The following GPC3 variants were observed in gnomAD, a reference collection of about 807,000 sequenced individuals.
The protein encoded by GPC3 is glypican 3, also known as glypican-3.
In GPC3, 3 loss-of-function variants were observed where a neutral mutation model predicts 34.4. That is an observed-to-expected ratio of 0.09 (90% CI 0.04 to 0.23). The LOEUF (loss-of-function observed/expected upper bound fraction) is 0.23. Ranked by LOEUF, GPC3 falls within the 10% of genes least tolerant of loss-of-function variation. The pLI is 1.00. For synonymous variants in GPC3, 177 were observed against 174.0 expected (o/e 1.02, Z -0.13); for missense variants, 351 against 445.6 (o/e 0.79, Z 1.91).
chrX:133,909,403 T>C (rs1449749754), intron 2 of GPC3, among the ~76,000 whole-genome samples: 2 of 112,241 alleles, frequency 1.8e-5, no homozygotes, highest in Non-Finnish European at 3.8e-5. Flanking sequence ...GATGCAGCCA[T>C]GATAAAAACA....
chrX:133,718,613 T>A (rs1053870076), intron 3 of GPC3, among the ~76,000 whole-genome samples: 1 of 111,142 alleles, frequency 9.0e-6, no homozygotes, highest in Non-Finnish European at 1.9e-5. Flanking sequence ...TTTTATTACA[T>A]TAAATACAAA....
At chrX:133,831,770 A>T (rs779768186) in intron 2 of GPC3, among the ~76,000 whole-genome samples, 17 of 112,891 alleles carry the variant, frequency 1.5e-4, no homozygotes, top group Admixed American at 7.5e-4. Flanking sequence ...ATCCAATTTA[A>T]AAATGGGCAA....
chrX:133,905,645 C>T (rs1387760625), intron 2 of GPC3, among the ~76,000 whole-genome samples: 1 of 111,597 alleles, frequency 9.0e-6, no homozygotes, highest in Non-Finnish European at 1.9e-5. Context: ...AGAGATTCTC[C>T]TTTCTTTGGC....
intron 5 of GPC3, 115 bp downstream of exon 5, chrX:133,692,254 T>G: frequency 2.4e-6 from 2 of 830,013 alleles, no homozygotes; most frequent in Non-Finnish European, 3.6e-6. Context: ...CTCATAGATT[T>G]CTCTAGAATT....
intron 2 of GPC3, among the ~76,000 whole-genome samples, chrX:133,871,380 C>T (rs2075993325): frequency 8.9e-6 from 1 of 111,860 alleles, no homozygotes; most frequent in Non-Finnish European, 1.9e-5. Context: ...TTTCTTACAT[C>T]GACCTCTAGC....
chrX:133,936,290 C>T lies in GPC3; in HGVS notation c.337+16760G>A, dbSNP rs749915410. On this transcript the variant is annotated intron_variant, in intron 2 of 7. Transcript: ENST00000370818. ...GGGATTACAGGAGTGAGCCACCTTG[C>T]CCGGCCTGAGTCTCATAACAATTTG... 6.5e-5 allele frequency among the ~76,000 whole-genome samples: 7 copies of T among 108,052 alleles called. No individual in the cohort carries two copies. In the East Asian group the frequency reaches 1.4e-3, roughly 22 times the overall value. The allele number at this position is 108,052 out of a possible 115,157, so 93.8% of individuals were successfully genotyped here. A position where few individuals can be genotyped will look rare whatever the true frequency, so the allele number is the denominator to read the frequency against.
At chrX:133,813,225 G>C (rs758470043) in intron 2 of GPC3, among the ~76,000 whole-genome samples, 2 of 112,628 alleles carry the variant, frequency 1.8e-5, no homozygotes, top group Non-Finnish European at 3.8e-5. Context: ...CTACAAAAGA[G>C]GGCTTCCAGC....
chrX:133,691,658 G>T (rs1367256783), intron 5 of GPC3, among the ~76,000 whole-genome samples: 3 of 111,116 alleles, frequency 2.7e-5, no homozygotes, highest in Non-Finnish European at 5.7e-5. Context: ...GAAAATAACA[G>T]TATTCATTTC....
At chrX:133,549,666 C>T (rs1378809662) in intron 7 of GPC3, among the ~76,000 whole-genome samples, 1 of 85,858 alleles carries the variant, frequency 1.2e-5, no homozygotes, top group Non-Finnish European at 2.2e-5. Context: ...CTTCTTCTCC[C>T]CTTCTCCCTC....
At chrX:133,925,382 T>G (rs1401865597) in intron 2 of GPC3, among the ~76,000 whole-genome samples, 1 of 110,971 alleles carries the variant, frequency 9.0e-6, no homozygotes, top group East Asian at 2.9e-4. Flanking sequence ...CACTGGCTGG[T>G]TCCCTCACTG....
intron 6 of GPC3, among the ~76,000 whole-genome samples, chrX:133,606,242 C>T (rs1057249609): frequency 9.0e-6 from 1 of 111,549 alleles, no homozygotes; most frequent in Middle Eastern, 4.6e-3. Flanking sequence ...AGAAACTGTC[C>T]GCTACCTCAA....
intron 2 of GPC3, among the ~76,000 whole-genome samples, chrX:133,760,532 A>G (rs979995206): frequency 1.8e-5 from 2 of 111,854 alleles, no homozygotes; most frequent in African/African-American, 6.5e-5. Flanking sequence ...CTGAAAGGCT[A>G]CATACTATAT....
intron 3 of GPC3, among the ~76,000 whole-genome samples, chrX:133,703,756 A>G (rs949406663): frequency 7.1e-5 from 8 of 111,956 alleles, no homozygotes; most frequent in African/African-American, 2.6e-4. Flanking sequence ...CACCGCGCCC[A>G]GCCAGGAAGA....
intron 4 of GPC3, among the ~76,000 whole-genome samples, chrX:133,695,190 G>T (rs1400901995): frequency 9.0e-6 from 1 of 111,282 alleles, no homozygotes; most frequent in African/African-American, 3.3e-5. Context: ...TGAATCCATC[G>T]GATCTTGTGA....
intron 2 of GPC3, among the ~76,000 whole-genome samples, chrX:133,943,026 C>T (rs2076351325): frequency 8.9e-6 from 1 of 111,928 alleles, no homozygotes; most frequent in South Asian, 3.8e-4. Context: ...AATTCCTACA[C>T]CCACGTCAAA....
At chrX:133,658,392 T>G (rs2070686537) in intron 6 of GPC3, among the ~76,000 whole-genome samples, 1 of 112,009 alleles carries the variant, frequency 8.9e-6, no homozygotes, top group Non-Finnish European at 1.9e-5. Context: ...TAATTCCAAG[T>G]TGGATTTTTT....
At chrX:133,752,035 AT>A (rs1294956715) in intron 3 of GPC3, among the ~76,000 whole-genome samples, 2 of 109,732 alleles carry the variant, frequency 1.8e-5, no homozygotes, top group South Asian at 3.9e-4. Flanking sequence ...TTTTGTATTT[AT>A]TTATTTATTT....
At chrX:133,874,682 C>T (rs2076007980) in intron 2 of GPC3, among the ~76,000 whole-genome samples, 2 of 112,059 alleles carry the variant, frequency 1.8e-5, no homozygotes, top group African/African-American at 6.5e-5. Flanking sequence ...CTCTCAGCAG[C>T]TCAAGTCAGA....
intron 7 of GPC3, among the ~76,000 whole-genome samples, chrX:133,541,100 C>T (rs976891087): frequency 9.0e-6 from 1 of 110,738 alleles, no homozygotes; most frequent in African/African-American, 3.3e-5. Flanking sequence ...ACAAACAACA[C>T]AATCTGATTT....
Sources: allele counts gnomAD v4.1 joint callset (sites outside exome capture counted in the v4.1 genomes callset), GRCh38; gene constraint gnomAD v4.1.1; transcripts MANE v1.5; gene names NCBI Gene and HGNC (gene_info 2026-07-23, HGNC 2026-07-21).